PDE4B: variants seen among roughly 807,000 people sequenced by gnomAD.
PDE4B encodes phosphodiesterase 4B.
PDE4B carries 20 observed loss-of-function variants against 82.2 expected under a neutral mutation model. The ratio of observed to expected loss-of-function variants is 0.24; its 90% CI spans 0.17 to 0.35. The LOEUF is 0.35. Ranked by LOEUF, PDE4B falls within the 10% of genes least tolerant of loss-of-function variation. PDE4B has a pLI of 1.00. For synonymous variants in PDE4B, 320 were observed against 318.9 expected (o/e 1.00, Z -0.04); for missense variants, 655 against 907.2 (o/e 0.72, Z 3.57).
Position 65,878,882 on chromosome 1 carries a change from C to A in PDE4B, c.-70-34363C>A, listed in dbSNP as rs1646678358. Among the ~76,000 whole-genome samples the A allele has an allele frequency of 2.0e-5, 3 of 151,720 alleles. No individual in the cohort carries two copies. The South Asian group carries it at 6.2e-4, about 32-fold the overall frequency. On this transcript the variant is annotated intron_variant, in intron 1 of 16. Coordinates refer to ENST00000341517, the MANE Select transcript of PDE4B (RefSeq NM_002600.4). Reference sequence around the variant, plus strand: ...CCTGCATGTTAAGCACATGTATCCCCAAAGTTAAAGTAAAATAAAAAAAAT... The same window carrying A: ...CCTGCATGTTAAGCACATGTATCCCAAAAGTTAAAGTAAAATAAAAAAAAT...
chr1:66,368,094 C>T, intron 15 of PDE4B, 29 bp downstream of exon 15: 1 of 1,607,578 alleles, frequency 6.2e-7, no homozygotes, highest in Non-Finnish European at 8.5e-7. Flanking sequence ...TGATTTAACA[C>T]AAAACCAAAC....
At chr1:65,863,128 G>A (rs1646473718) in intron 1 of PDE4B, among the ~76,000 whole-genome samples, 1 of 152,076 alleles carries the variant, frequency 6.6e-6, no homozygotes, top group Non-Finnish European at 1.5e-5. Context: ...GTTTTCTGAT[G>A]TGGGCACATT....
At chr1:66,130,888 A>C (rs1645927369) in intron 3 of PDE4B, among the ~76,000 whole-genome samples, 2 of 152,198 alleles carry the variant, frequency 1.3e-5, no homozygotes, top group African/African-American at 4.8e-5. Context: ...CACAAATCTT[A>C]AAGATTCAGA....
chr1:65,895,938 T>TAATAATAAC (rs1443909110), intron 1 of PDE4B, among the ~76,000 whole-genome samples: 1 of 102,250 alleles, frequency 9.8e-6, no homozygotes, highest in South Asian at 3.0e-4. Flanking sequence ...AAGAAAATAA[T>TAATAATAAC]AATAATAATA....
At chr1:66,036,897 G>A (rs1409800696) in intron 3 of PDE4B, among the ~76,000 whole-genome samples, 2 of 151,926 alleles carry the variant, frequency 1.3e-5, no homozygotes, top group Non-Finnish European at 2.9e-5. Flanking sequence ...CACTTTGGGG[G>A]GCCAACACAG....
chr1:66,176,494 G>A (rs1007936371), intron 3 of PDE4B, among the ~76,000 whole-genome samples: 2 of 152,208 alleles, frequency 1.3e-5, no homozygotes, highest in African/African-American at 4.8e-5. Flanking sequence ...TTAGAAGGTT[G>A]AAGGAAATAA....
chr1:65,984,330 A>G (rs1650843489), intron 3 of PDE4B, among the ~76,000 whole-genome samples: 1 of 152,188 alleles, frequency 6.6e-6, no homozygotes, highest in Non-Finnish European at 1.5e-5. Context: ...TGGTGGCAGG[A>G]AGGATGTGAC....
intron 3 of PDE4B, among the ~76,000 whole-genome samples, chr1:66,025,605 A>G (rs1470211110): frequency 1.3e-5 from 2 of 152,202 alleles, no homozygotes; most frequent in Non-Finnish European, 2.9e-5. Context: ...GTTTAGCTTG[A>G]GACTGAACTC....
At chr1:65,910,276 A>T (rs1213954307) in intron 1 of PDE4B, among the ~76,000 whole-genome samples, 1 of 152,190 alleles carries the variant, frequency 6.6e-6, no homozygotes, top group Non-Finnish European at 1.5e-5. Flanking sequence ...GTGAGTGAGG[A>T]CACAAAACTA....
intron 3 of PDE4B, among the ~76,000 whole-genome samples, chr1:65,951,719 T>C (rs182166832): frequency 1.3e-5 from 2 of 152,240 alleles, no homozygotes; most frequent in Non-Finnish European, 2.9e-5. Context: ...TTGCTTTAAA[T>C]TGACCTCTCC....
At chr1:65,886,044 G>C (rs930304727) in intron 1 of PDE4B, among the ~76,000 whole-genome samples, 1 of 151,124 alleles carries the variant, frequency 6.6e-6, no homozygotes, top group African/African-American at 2.4e-5. Context: ...GGATTTCAGA[G>C]AGTTAGTATG....
rs144803234 is a variant in PDE4B at position 66,353,656 on chromosome 1, C to A, written c.748-1871C>A. Reference sequence around the variant, plus strand: ...GGCGGGGAATCCCACTGCAGTAAAGCTCTAGTGTTTCCCCTTGCCTGTGCT... The same window carrying A: ...GGCGGGGAATCCCACTGCAGTAAAGATCTAGTGTTTCCCCTTGCCTGTGCT... On this transcript the variant is annotated intron_variant, in intron 8 of 16. Transcript: ENST00000341517. Among the ~76,000 whole-genome samples the A allele has an allele frequency of 2.2e-3, 331 of 152,194 alleles. 1 individual carries two copies. The highest frequency in any genetic ancestry group is 7.5e-3 in the African/African-American group (310 of 41,534).
At chr1:65,944,307 A>G (rs1239900672) in intron 3 of PDE4B, among the ~76,000 whole-genome samples, 1 of 151,856 alleles carries the variant, frequency 6.6e-6, no homozygotes, top group Non-Finnish European at 1.5e-5. Flanking sequence ...CCTGGGATAA[A>G]TCCAACTTGA....
At chr1:66,238,520 G>A (rs902197029) in intron 3 of PDE4B, among the ~76,000 whole-genome samples, 2 of 152,264 alleles carry the variant, frequency 1.3e-5, no homozygotes, top group South Asian at 4.1e-4. Context: ...AGATCCATGG[G>A]GTGGCTATTC....
At chr1:65,797,013 C>T (rs965962992) in intron 1 of PDE4B, among the ~76,000 whole-genome samples, 5 of 149,164 alleles carry the variant, frequency 3.4e-5, no homozygotes, top group Non-Finnish European at 7.4e-5. Context: ...AATGCAGTGG[C>T]ACTATTTCCA....
chr1:66,359,929 G>A, intron 9 of PDE4B, among the ~76,000 whole-genome samples: 1 of 152,182 alleles, frequency 6.6e-6, no homozygotes, highest in South Asian at 2.1e-4. Context: ...CAAAGTAATT[G>A]CAAAATAAAT....
chr1:66,172,593 C>A (rs901871891), intron 3 of PDE4B, among the ~76,000 whole-genome samples: 2 of 152,222 alleles, frequency 1.3e-5, no homozygotes, highest in Non-Finnish European at 2.9e-5. Flanking sequence ...TCCCTTTTCT[C>A]TGCAGCCTCA....
chr1:66,327,722 G>A (rs1272992955), intron 7 of PDE4B, among the ~76,000 whole-genome samples: 2 of 152,182 alleles, frequency 1.3e-5, no homozygotes, highest in Admixed American at 6.5e-5. Flanking sequence ...ACCATACCAG[G>A]TCTTCTGAGT....
chr1:66,275,033 G>A (rs1655778011), intron 7 of PDE4B, among the ~76,000 whole-genome samples: 2 of 152,098 alleles, frequency 1.3e-5, no homozygotes, highest in South Asian at 4.1e-4. Flanking sequence ...GCTCATACAT[G>A]GGAAAGCTGA....
Sources: gnomAD v4.1 joint callset for allele counts (sites outside exome capture counted in the v4.1 genomes callset) on GRCh38, gnomAD v4.1.1 for gene constraint, MANE v1.5 for transcripts, NCBI Gene and HGNC (gene_info 2026-07-23, HGNC 2026-07-21) for gene names.